The following NRXN3 variants were observed in gnomAD, a reference collection of about 807,000 sequenced individuals.
NRXN3 encodes the protein neurexin 3.
Under a neutral mutation model 137.6 loss-of-function variants are expected in NRXN3, and 32 were observed. That is an observed-to-expected ratio of 0.23 (90% CI 0.18 to 0.31). The LOEUF is 0.31. Ranked by LOEUF, NRXN3 falls within the 10% of genes least tolerant of loss-of-function variation. The pLI, the probability that NRXN3 is intolerant of heterozygous loss-of-function variation, is 1.00. For missense variants in NRXN3, 1,574 were observed against 2,062.5 expected (o/e 0.76, Z 4.59); for synonymous variants, 798 against 784.5 (o/e 1.02, Z -0.29).
intron 15 of NRXN3, among the ~76,000 whole-genome samples, chr14:79,037,726 A>C (rs539110188): frequency 1.1e-4 from 15 of 142,250 alleles, no homozygotes; most frequent in Non-Finnish European, 2.0e-4. Flanking sequence ...GCTAAGAGCC[A>C]TTGCCAAGGC....
intron 15 of NRXN3, among the ~76,000 whole-genome samples, chr14:79,245,542 C>T (rs887527450): frequency 1.3e-5 from 2 of 152,152 alleles, no homozygotes; most frequent in African/African-American, 4.8e-5. Context: ...TCCTAAGCCT[C>T]AGTTTCCTTA....
chr14:79,697,772 T>C lies in NRXN3; in HGVS notation c.3849T>C (p.Asn1283=). 6.2e-7 allele frequency: 1 copy of C among 1,613,070 alleles called. No homozygotes were observed. The highest frequency in any genetic ancestry group is 8.5e-7 in the Non-Finnish European group (1 of 1,179,432). ...ACATGGCGGCTGAGAACAACCCCAA[T>C]ATTAAAATCAATGGAAGTGTTCGGC... The part of the protein sequence containing the change: ...VLNMAAENNP[N]IKINGSVRLV... Residue 1283 remains asparagine, a synonymous_variant, in exon 19 of 21, where the codon AAT becomes AAC. Coordinates refer to ENST00000335750, the MANE Select transcript of NRXN3 (RefSeq NM_001330195.2).
intron 2 of NRXN3, among the ~76,000 whole-genome samples, chr14:78,267,308 T>C (rs1462461994): frequency 6.6e-6 from 1 of 152,218 alleles, no homozygotes; most frequent in Admixed American, 6.5e-5. Flanking sequence ...TATTGGCATT[T>C]GAGCTCAAAA....
chr14:78,282,706 G>T (rs1428145235), intron 3 of NRXN3, among the ~76,000 whole-genome samples: 1 of 152,142 alleles, frequency 6.6e-6, no homozygotes, highest in Non-Finnish European at 1.5e-5. Flanking sequence ...GCCCCGTATT[G>T]TGTTCCTCCT....
At chr14:79,311,770 C>T (rs1277354612) in intron 15 of NRXN3, among the ~76,000 whole-genome samples, 2 of 28,534 alleles carry the variant, frequency 7.0e-5, no homozygotes, top group Non-Finnish European at 1.2e-4. Context: ...TCTGTGGGAT[C>T]GGTGGTGATA....
intron 15 of NRXN3, among the ~76,000 whole-genome samples, chr14:79,264,358 G>A (rs1008285466): frequency 1.3e-5 from 2 of 152,176 alleles, no homozygotes; most frequent in Non-Finnish European, 2.9e-5. Flanking sequence ...CAGAGTGCTG[G>A]GATTATAGGC....
intron 4 of NRXN3, among the ~76,000 whole-genome samples, chr14:78,608,946 A>G (rs1314958541): frequency 6.6e-6 from 1 of 152,142 alleles, no homozygotes; most frequent in Non-Finnish European, 1.5e-5. Flanking sequence ...TTCCAGAAAA[A>G]GGGCTGGGCA....
intron 15 of NRXN3, among the ~76,000 whole-genome samples, chr14:79,220,802 C>T (rs4496051): frequency 0.88 from 133,400 of 151,858 alleles, 59,867 homozygotes; most frequent in Non-Finnish European, 0.97. Context: ...ATGTGCAGAA[C>T]GTGCAGGTTT....
At chr14:78,229,070 G>C (rs555076893) in intron 1 of NRXN3, among the ~76,000 whole-genome samples, 14 of 152,284 alleles carry the variant, frequency 9.2e-5, no homozygotes, top group African/African-American at 3.4e-4. Context: ...GGGGAAAGTA[G>C]GAGATTCTAG....
intron 10 of NRXN3, among the ~76,000 whole-genome samples, chr14:78,855,216 A>G (rs1270968140): frequency 6.6e-6 from 1 of 151,772 alleles, no homozygotes; most frequent in Admixed American, 6.6e-5. Context: ...CTTTTTCTTC[A>G]TAAGGTTTAT....
intron 15 of NRXN3, among the ~76,000 whole-genome samples, chr14:79,259,114 G>A (rs771942908): frequency 3.6e-4 from 55 of 152,264 alleles, no homozygotes; most frequent in South Asian, 8.3e-4. Flanking sequence ...CAGCTATACA[G>A]GGGAGAATCG....
chr14:79,470,547 A>AG (rs1244288160), intron 16 of NRXN3, among the ~76,000 whole-genome samples: 1 of 152,182 alleles, frequency 6.6e-6, no homozygotes, highest in African/African-American at 2.4e-5. Flanking sequence ...CATACCTCCC[A>AG]ACACTGTGGC....
At chr14:78,475,656 G>A (rs1249782346) in intron 4 of NRXN3, among the ~76,000 whole-genome samples, 1 of 152,186 alleles carries the variant, frequency 6.6e-6, no homozygotes, top group Non-Finnish European at 1.5e-5. Flanking sequence ...CAGACAAAGA[G>A]TATTTCAGCC....
intron 4 of NRXN3, among the ~76,000 whole-genome samples, chr14:78,405,811 G>A (rs1466907178): frequency 3.9e-5 from 6 of 152,102 alleles, no homozygotes; most frequent in Non-Finnish European, 5.9e-5. Flanking sequence ...CTATGTGTAC[G>A]GCATGGAATT....
chr14:78,430,864 G>A (rs920084220), intron 4 of NRXN3, among the ~76,000 whole-genome samples: 3 of 152,080 alleles, frequency 2.0e-5, no homozygotes, highest in Non-Finnish European at 2.9e-5. Flanking sequence ...TTGGGGAGTC[G>A]ATTTTATTTT....
intron 15 of NRXN3, among the ~76,000 whole-genome samples, chr14:79,245,740 C>T (rs566273874): frequency 1.3e-5 from 2 of 152,246 alleles, no homozygotes; most frequent in Admixed American, 1.3e-4. Context: ...TTATAGATTC[C>T]ATCCACTGAT....
Position 79,126,906 on chromosome 14 carries a change from T to A in NRXN3, c.3262+138765T>A, listed in dbSNP as rs1449515976. ...ATGGTATCTCATTGTGGTTTTGATT[T>A]GCATTTCTCTGTTGGCCAGTGATGG... is the stretch of plus-strand genomic sequence containing the variant. On this transcript the variant is annotated intron_variant, in intron 15 of 20. Coordinates refer to ENST00000335750, the MANE Select transcript of NRXN3 (RefSeq NM_001330195.2). 7.2e-5 allele frequency among the ~76,000 whole-genome samples: 11 copies of A among 152,348 alleles called. No individual in the cohort carries two copies. In the East Asian group the frequency reaches 2.1e-3, roughly 29 times the overall value.
intron 20 of NRXN3, among the ~76,000 whole-genome samples, chr14:79,849,208 T>C (rs1157270783): frequency 6.6e-6 from 1 of 152,188 alleles, no homozygotes; most frequent in Non-Finnish European, 1.5e-5. Flanking sequence ...ATTCTACTTT[T>C]GCTTCCCAAA....
intron 4 of NRXN3, among the ~76,000 whole-genome samples, chr14:78,533,946 A>C (rs2096503042): frequency 6.6e-6 from 1 of 152,186 alleles, no homozygotes. Flanking sequence ...CTTGACACAC[A>C]TGAGCTGCTT....
Sources: allele counts gnomAD v4.1 joint callset (sites outside exome capture counted in the v4.1 genomes callset), GRCh38; gene constraint gnomAD v4.1.1; transcripts MANE v1.5; gene names NCBI Gene and HGNC (gene_info 2026-07-23, HGNC 2026-07-21).